CRELD2: variants seen among roughly 807,000 people sequenced by gnomAD.
CRELD2 encodes CRELD disulfide isomerase 2, also known as protein disulfide isomerase CRELD2.
Under a neutral mutation model 48.1 loss-of-function variants are expected in CRELD2, and 33 were observed. That is an observed-to-expected ratio of 0.69 (90% CI 0.52 to 0.92). The LOEUF (loss-of-function observed/expected upper bound fraction) is 0.92, where lower values mean the gene tolerates loss of function less well. Among genes scored for constraint, CRELD2 ranks in the 40% least tolerant of loss-of-function variants. The pLI is 0.00. For missense variants in CRELD2, 477 were observed against 482.4 expected, an observed-to-expected ratio of 0.99 and a Z score of 0.10; for synonymous variants, 220 against 203.9, an observed-to-expected ratio of 1.08 and a Z score of -0.67.
intron 5 of CRELD2, chr22:49,922,196 T>C (rs2060695131): frequency 7.6e-7 from 1 of 1,312,394 alleles, no homozygotes; most frequent in African/African-American, 1.6e-5. Flanking sequence ...GTCTCGGACG[T>C]GAGTGTGTGG....
chr22:49,924,662 C>T (rs1320739045), intron 8 of CRELD2: 3 of 442,344 alleles, frequency 6.8e-6, no homozygotes, highest in Non-Finnish European at 1.2e-5. Flanking sequence ...CATGGCCGAC[C>T]CTGGTGTGGA....
rs1357597641 is a variant in CRELD2 at position 49,924,189 on chromosome 22, C to T, written c.773-171C>T. The T allele has an allele frequency of 1.1e-5, 6 of 550,950 alleles. No homozygotes were observed. In the East Asian group the frequency reaches 1.5e-4, roughly 14 times the overall value. The allele number at this position is 550,950 out of a possible 1,614,324, so 34.1% of individuals were successfully genotyped here. On this transcript the variant is annotated intron_variant, in intron 7 of 9. Coordinates refer to ENST00000328268, the MANE Select transcript of CRELD2 (RefSeq NM_024324.5). Reference sequence around the variant, plus strand: ...CGGGAGCACCTGCTGCACAGCAGGACGCGAGTCTGTGCTTTTGCCGGGAGA... The same window carrying T: ...CGGGAGCACCTGCTGCACAGCAGGATGCGAGTCTGTGCTTTTGCCGGGAGA...
intron 5 of CRELD2, chr22:49,922,005 G>A: frequency 1.7e-6 from 1 of 603,386 alleles, no homozygotes. Flanking sequence ...TCTAGTTCAA[G>A]GTCCACCCCG....
In CRELD2 at chr22:49,918,672, G is replaced by C; in HGVS notation, c.-98G>C. 4 of 407,072 alleles carry C rather than the reference G, an allele frequency of 9.8e-6. No homozygotes were observed. The highest frequency in any genetic ancestry group is 2.1e-5 in the African/African-American group (1 of 48,006). 25.2% of individuals were successfully genotyped at this position (407,072 alleles called of 1,614,324 possible). A position where few individuals can be genotyped will look rare whatever the true frequency, so the allele number is the denominator to read the frequency against. On this transcript the variant is annotated 5_prime_UTR_variant, in exon 1 of 10. Coordinates refer to ENST00000328268, the MANE Select transcript of CRELD2 (RefSeq NM_024324.5). ...CGCCGTCAAGTAGCCTGGGGGACAG[G>C]CCGGCGCGGCTGGGAGCGGGTGGGC...
chr22:49,922,288 CCTCAGCAGTCAGGA>C, intron 5 of CRELD2: 1 of 1,480,854 alleles, frequency 6.8e-7, no homozygotes, highest in Non-Finnish European at 8.9e-7. Flanking sequence ...TTCTTACGCC[CCTCAGCAGTCAGGA>C]CCGGCCTCTC....
At chr22:49,925,153 G>T in intron 8 of CRELD2, 15 of 280,948 alleles carry the variant, frequency 5.3e-5, no homozygotes, top group East Asian at 7.1e-5. Context: ...AAAAGGAAAA[G>T]AAAGTGGGCT....
intron 8 of CRELD2, 53 bp from the exon 9 acceptor site, chr22:49,925,364 G>T: frequency 8.8e-7 from 1 of 1,142,536 alleles, no homozygotes; most frequent in East Asian, 2.4e-5. Context: ...TTCATAATCC[G>T]CTGCGCGTCT....
chr22:49,922,231 C>G, intron 5 of CRELD2: 1 of 1,521,920 alleles, frequency 6.6e-7, no homozygotes, highest in Non-Finnish European at 8.9e-7. Context: ...CTAGGCTATT[C>G]TGGGCAGACA....
At position 49,922,712 on chromosome 22, in the gene CRELD2, G is replaced by A; in HGVS notation, c.688+5G>A. 1 of 1,534,596 alleles carries A rather than the reference G, an allele frequency of 6.5e-7. No individual in the cohort carries two copies. The highest frequency in any genetic ancestry group is 1.5e-5 in the African/African-American group (1 of 67,376). ...TGGACGAGGGCGCCTGTGTGGGTGA[G>A]GAGCGGCCCGGGGGTGGAGGAGGGC... is the stretch of plus-strand genomic sequence containing the variant. On this transcript the variant is annotated splice_donor_5th_base_variant and intron_variant, in intron 6 of 9. Coordinates refer to ENST00000328268, the MANE Select transcript of CRELD2 (RefSeq NM_024324.5).
intron 4 of CRELD2, 142 bp from the exon 5 acceptor site, chr22:49,921,443 C>T: frequency 2.2e-6 from 2 of 890,628 alleles, no homozygotes; most frequent in Non-Finnish European, 3.3e-6. Context: ...ATCAGTTTCC[C>T]CAAACACCCA....
At chr22:49,925,668 TGA>T (rs1339427189) in intron 9 of CRELD2, 111 bp downstream of exon 9, 9 of 1,552,430 alleles carry the variant, frequency 5.8e-6, no homozygotes, top group Non-Finnish European at 7.8e-6. Flanking sequence ...CTTGAGATGG[TGA>T]GAGGGGGATT....
rs369529017 is a variant in CRELD2 at position 49,924,433 on chromosome 22, G to A, written c.846G>A (p.Ala282=). 1.1e-5 allele frequency: 17 copies of A among 1,609,462 alleles called. No homozygotes were observed. The highest frequency in any genetic ancestry group is 4.4e-5 in the South Asian group (4 of 90,134). Reference sequence around the variant, plus strand: ...GTAAAGAGTGTATCTCTGGCTACGCGAGGGAGCACGGACAGTGTGCAGGTC... The same window carrying A: ...GTAAAGAGTGTATCTCTGGCTACGCAAGGGAGCACGGACAGTGTGCAGGTC... ...GNCKECISGY[A]REHGQCADVD... The change falls in exon 8 of 10, where the codon GCG becomes GCA. Residue 282 remains alanine, a synonymous_variant. Transcript: ENST00000328268.
intron 4 of CRELD2, 122 bp downstream of exon 4, chr22:49,920,369 C>T: frequency 1.5e-6 from 1 of 669,584 alleles, no homozygotes; most frequent in Non-Finnish European, 2.5e-6. Flanking sequence ...GGGTCTGGGA[C>T]CCTGCCGGAT....
chr22:49,927,157 AC>A, intron 9 of CRELD2, 97 bp from the exon 10 acceptor site: 1 of 1,081,986 alleles, frequency 9.2e-7, no homozygotes, highest in African/African-American at 1.6e-5. Context: ...CCAGGACTGG[AC>A]GGGCAGGCCC....
rs535022209 is a variant in CRELD2 at position 49,925,546 on chromosome 22, C to T, written c.998C>T (p.Pro333Leu). Residue 333 changes from proline (P) to leucine (L), a missense_variant, in exon 9 of 10, where the codon CCG (proline) becomes CTG (leucine). Pro to Leu is a moderately conservative substitution (Grantham distance 98). Coordinates refer to ENST00000328268, the MANE Select transcript of CRELD2 (RefSeq NM_024324.5). ...FEETEDACVPPAEAEATEGES... is the reference protein window; with the variant it reads ...FEETEDACVPLAEAEATEGES... ...GAAACGGAAGATGCCTGTGTGCCGC[C>T]GGCAGAGGCTGGTGAGTGGCACGGC... 65 of 1,613,656 alleles carry T rather than the reference C, an allele frequency of 4.0e-5. 1 individual carries two copies. The South Asian group carries it at 5.3e-4, about 13-fold the overall frequency.
intron 6 of CRELD2, 103 bp downstream of exon 6, chr22:49,922,810 C>CGTGGGGGGTGTG (rs2060708397): frequency 1.6e-5 from 1 of 61,284 alleles, no homozygotes; most frequent in African/African-American, 1.7e-4. Flanking sequence ...GGGCGGGAGG[C>CGTGGGGGGTGTG]AGGGGGGCGT....
intron 4 of CRELD2, 197 bp from the exon 5 acceptor site, chr22:49,921,388 T>G: frequency 1.7e-6 from 1 of 603,126 alleles, no homozygotes; most frequent in Admixed American, 3.1e-5. Flanking sequence ...AGCCTGTGGC[T>G]TGCTCCACTC....
intron 5 of CRELD2, chr22:49,922,215 C>A: frequency 6.9e-7 from 1 of 1,447,186 alleles, no homozygotes. Context: ...GGTTGGCCGG[C>A]AGCCCCTAGG....
rs763325653 is a variant in CRELD2 at position 49,922,731 on chromosome 22, G to C, written c.688+24G>C. 3 of 1,502,636 alleles carry C rather than the reference G, an allele frequency of 2.0e-6. No homozygotes were observed. In the South Asian group the frequency reaches 3.7e-5, roughly 18 times the overall value. 93.1% of individuals were successfully genotyped at this position (1,502,636 alleles called of 1,614,324 possible). ...GGGTGAGGAGCGGCCCGGGGGTGGA[G>C]GAGGGCGCCTGCGTGAGGCGTGGGG... is the stretch of plus-strand genomic sequence containing the variant. On this transcript the variant is annotated intron_variant, in intron 6 of 9. Transcript: ENST00000328268.
Sources: allele counts gnomAD v4.1 joint callset, GRCh38; gene constraint gnomAD v4.1.1; transcripts MANE v1.5; gene names NCBI Gene and HGNC (gene_info 2026-07-23, HGNC 2026-07-21).